The following DCDC2 variants were observed in gnomAD, a reference collection of about 807,000 sequenced individuals.
The protein encoded by DCDC2 is doublecortin domain-containing protein 2.
In DCDC2, 40 loss-of-function variants were observed where a neutral mutation model predicts 50.2. The observed-to-expected ratio is 0.80, with a 90% CI of 0.62 to 1.04. The LOEUF (loss-of-function observed/expected upper bound fraction) is 1.04. Among genes scored for constraint, DCDC2 ranks in the 50% least tolerant of loss-of-function variants. DCDC2 has a pLI of 0.00. For missense variants in DCDC2, 570 were observed against 581.9 expected (o/e 0.98, Z 0.21); for synonymous variants, 234 against 210.6 (o/e 1.11, Z -0.96).
At position 24,178,493 on chromosome 6, in the gene DCDC2, A is replaced by G. The variant is rs1760976718; in HGVS notation, c.1163T>C (p.Val388Ala). ...CTCACTGTGATCCAGAATCTCCTCG[A>G]CTTGCTCAGGGGCATCTGTAGCCTC... ...GREATDAPEQ[V>A]EEILDHSEQQ... Residue 388 changes from valine to alanine, a missense_variant, in exon 9 of 10, where the codon GTC (valine) becomes GCC (alanine). Val to Ala is a moderately conservative substitution (Grantham distance 64). Transcript: ENST00000378454. The G allele has an allele frequency of 1.2e-6, 2 of 1,613,950 alleles. No homozygotes were observed. The highest frequency in any genetic ancestry group is 1.7e-5 in the Admixed American group (1 of 59,996).
At chr6:24,374,530 G>T in the DCDC2 span, among the ~76,000 whole-genome samples, 1 of 126,494 alleles carries the variant, frequency 7.9e-6, no homozygotes, top group East Asian at 2.5e-4. Flanking sequence ...CAGTGAACCA[G>T]ATCAGGCCAC....
chr6:24,233,406 T>A (rs1342316600), intron 7 of DCDC2, among the ~76,000 whole-genome samples: 1 of 152,258 alleles, frequency 6.6e-6, no homozygotes, highest in Non-Finnish European at 1.5e-5. Context: ...ACTATTCTTG[T>A]TGATACTTTA....
In DCDC2 at chr6:24,174,762, G is replaced by A; in HGVS notation, c.1399C>T (p.Gln467Ter). 8.1e-6 allele frequency: 13 copies of A among 1,612,992 alleles called. No homozygotes were observed. The highest frequency in any genetic ancestry group is 1.7e-4 in the Middle Eastern group (1 of 6,054). Reference sequence around the variant, plus strand: ...ACGGCAGCATAGTCCTTGTTTTGTTGGTTGTTTTCATTTTCTTCTGGACTG... The same window carrying A: ...ACGGCAGCATAGTCCTTGTTTTGTTAGTTGTTTTCATTTTCTTCTGGACTG... ...ITSPEENENN[Q>*]QNKDYAAVA Residue 467 changes from glutamine to a stop codon, truncating the protein, a stop_gained, in exon 10 of 10, where the codon CAA becomes TAA. Transcript: ENST00000378454. LOFTEE classifies it high-confidence loss of function.
intron 7 of DCDC2, among the ~76,000 whole-genome samples, chr6:24,239,109 A>G (rs935820123): frequency 1.3e-5 from 2 of 152,206 alleles, no homozygotes; most frequent in African/African-American, 4.8e-5. Flanking sequence ...AGTATTTTCA[A>G]ACATGAATAA....
chr6:24,270,604 T>C (rs1216965121), intron 7 of DCDC2, among the ~76,000 whole-genome samples: 7 of 152,088 alleles, frequency 4.6e-5, no homozygotes. Flanking sequence ...GACCGGGCCC[T>C]TTCCAGGTTT....
intron 5 of DCDC2, among the ~76,000 whole-genome samples, chr6:24,290,288 C>T (rs555636211): frequency 6.6e-6 from 1 of 152,220 alleles, no homozygotes; most frequent in East Asian, 1.9e-4. Flanking sequence ...CCACCGCGCC[C>T]GGCCCAGAGC....
chr6:24,363,452 G>A, the DCDC2 span, among the ~76,000 whole-genome samples: 1 of 152,192 alleles, frequency 6.6e-6, no homozygotes, highest in Non-Finnish European at 1.5e-5. Flanking sequence ...AGTGAGCCAT[G>A]CTCATGCCGT....
chr6:24,225,982 G>A (rs1762226339), intron 7 of DCDC2, among the ~76,000 whole-genome samples: 2 of 152,300 alleles, frequency 1.3e-5, no homozygotes, highest in South Asian at 2.1e-4. Flanking sequence ...CTACAAGTCT[G>A]TCTCCTACCA....
intron 8 of DCDC2, among the ~76,000 whole-genome samples, chr6:24,199,627 C>G (rs1314484697): frequency 6.6e-6 from 1 of 152,146 alleles, no homozygotes; most frequent in African/African-American, 2.4e-5. Flanking sequence ...CACAACTCCT[C>G]ACCAGCAAGG....
intron 7 of DCDC2, among the ~76,000 whole-genome samples, chr6:24,226,294 C>A (rs759134724): frequency 6.6e-6 from 1 of 152,132 alleles, no homozygotes. Flanking sequence ...ATAATAGATG[C>A]CACAATAAAG....
At chr6:24,334,223 G>GA (rs1760016782) in intron 2 of DCDC2, among the ~76,000 whole-genome samples, 1 of 152,090 alleles carries the variant, frequency 6.6e-6, no homozygotes, top group African/African-American at 2.4e-5. Flanking sequence ...AGAGTCAAAT[G>GA]AAAAAAACAA....
chr6:24,353,456 C>A, intron 2 of DCDC2, 113 bp downstream of exon 2: 1 of 685,712 alleles, frequency 1.5e-6, no homozygotes, highest in Non-Finnish European at 2.6e-6. Flanking sequence ...TGTTCCATTT[C>A]TTTACATTAG....
chr6:24,255,522 G>A (rs1019632813), intron 7 of DCDC2, among the ~76,000 whole-genome samples: 3 of 151,938 alleles, frequency 2.0e-5, no homozygotes, highest in South Asian at 2.1e-4. Flanking sequence ...CCACAGAATG[G>A]AAAAAGATAT....
At chr6:24,345,979 G>A (rs189109594) in intron 2 of DCDC2, among the ~76,000 whole-genome samples, 4 of 152,046 alleles carry the variant, frequency 2.6e-5, no homozygotes, top group African/African-American at 9.7e-5. Flanking sequence ...AGGAGTTTGA[G>A]ACCAGCCTGG....
At chr6:24,178,709 A>AG in intron 8 of DCDC2, 77 bp from the exon 9 acceptor site, 2 of 1,355,280 alleles carry the variant, frequency 1.5e-6, no homozygotes, top group Non-Finnish European at 2.0e-6. Context: ...TAGTAATGTA[A>AG]TACTTATATT....
intron 7 of DCDC2, among the ~76,000 whole-genome samples, chr6:24,230,212 T>C (rs1261240082): frequency 6.6e-6 from 1 of 152,218 alleles, no homozygotes; most frequent in African/African-American, 2.4e-5. Context: ...ACTGGTCTCA[T>C]ATGACTTACA....
At chr6:24,327,459 T>TATTTATTTA (rs1238999415) in intron 2 of DCDC2, among the ~76,000 whole-genome samples, 1 of 133,516 alleles carries the variant, frequency 7.5e-6, no homozygotes, top group African/African-American at 3.0e-5. Context: ...TAAACTTATT[T>TATTTATTTA]ATTTATTTAT....
chr6:24,290,762 T>G (rs113161276), intron 5 of DCDC2, among the ~76,000 whole-genome samples, 170 bp downstream of exon 5: 3 of 152,214 alleles, frequency 2.0e-5, no homozygotes, highest in Admixed American at 2.0e-4. Flanking sequence ...TAGCTTTCAG[T>G]CTCCCATCAT....
intron 7 of DCDC2, among the ~76,000 whole-genome samples, chr6:24,243,841 G>C (rs1405954850): frequency 6.6e-6 from 1 of 152,186 alleles, no homozygotes; most frequent in Non-Finnish European, 1.5e-5. Context: ...TGGGGGTTGA[G>C]TGAACAGGGA....
Sources: gnomAD v4.1 joint callset for allele counts (sites outside exome capture counted in the v4.1 genomes callset) on GRCh38, gnomAD v4.1.1 for gene constraint, MANE v1.5 for transcripts, NCBI Gene and HGNC (gene_info 2026-07-23, HGNC 2026-07-21) for gene names.